The following KIAA1328 variants were observed in gnomAD, a reference collection of about 807,000 sequenced individuals.
KIAA1328 encodes the protein protein hinderin.
In KIAA1328, 52 loss-of-function variants were observed where a neutral mutation model predicts 68.1. That is an observed-to-expected ratio of 0.76 (90% confidence interval 0.61 to 0.96). KIAA1328 has a LOEUF of 0.96. Ranked by LOEUF, KIAA1328 falls within the 40% of genes least tolerant of loss-of-function variation. The probability of loss-of-function intolerance (pLI) is 0.00; values close to 1 mark genes in which losing one functional copy is unlikely to be tolerated. For synonymous variants in KIAA1328, 232 were observed against 239.4 expected (o/e 0.97, Z 0.28); for missense variants, 641 against 677.6 (o/e 0.95, Z 0.60).
intron 4 of KIAA1328, among the ~76,000 whole-genome samples, chr18:36,863,939 A>G (rs1337628343): frequency 1.3e-5 from 2 of 152,180 alleles, no homozygotes; most frequent in South Asian, 2.1e-4. Context: ...TATGTAGACT[A>G]TCATGTCATT....
chr18:36,907,702 CATT>C (rs1335640058), intron 5 of KIAA1328, among the ~76,000 whole-genome samples: 2 of 152,128 alleles, frequency 1.3e-5, no homozygotes, highest in East Asian at 3.8e-4. Context: ...GAGAGACAGT[CATT>C]AGTTTTCTTG....
intron 7 of KIAA1328, among the ~76,000 whole-genome samples, chr18:37,095,935 G>A (rs968615474): frequency 2.6e-5 from 4 of 152,194 alleles, no homozygotes; most frequent in South Asian, 2.1e-4. Flanking sequence ...TAATTGAACC[G>A]GGAAGAAATT....
At chr18:36,897,468 A>T (rs1160581976) in intron 5 of KIAA1328, among the ~76,000 whole-genome samples, 4 of 152,076 alleles carry the variant, frequency 2.6e-5, no homozygotes, top group Non-Finnish European at 4.4e-5. Context: ...ACACAGGAAA[A>T]GTGTCAAGAG....
At chr18:37,026,144 A>C (rs1202893179) in intron 6 of KIAA1328, among the ~76,000 whole-genome samples, 1 of 152,206 alleles carries the variant, frequency 6.6e-6, no homozygotes, top group East Asian at 1.9e-4. Flanking sequence ...AAATTTCTCG[A>C]CACATACACC....
At chr18:36,867,407 G>T (rs1051249712) in intron 4 of KIAA1328, among the ~76,000 whole-genome samples, 5 of 152,186 alleles carry the variant, frequency 3.3e-5, no homozygotes, top group African/African-American at 9.7e-5. Context: ...TTTCTGTACA[G>T]CCTGCAGAAC....
intron 9 of KIAA1328, among the ~76,000 whole-genome samples, chr18:37,200,375 G>A (rs936613032): frequency 6.6e-6 from 1 of 152,152 alleles, no homozygotes; most frequent in African/African-American, 2.4e-5. Flanking sequence ...GTTAGTTATG[G>A]TATCCAGTGT....
chr18:36,883,607 T>A, intron 4 of KIAA1328, among the ~76,000 whole-genome samples: 1 of 152,162 alleles, frequency 6.6e-6, no homozygotes, highest in East Asian at 1.9e-4. Flanking sequence ...AAGTCCTGCA[T>A]CATACCCATA....
chr18:37,161,746 T>A (rs534904775), intron 8 of KIAA1328, among the ~76,000 whole-genome samples: 1 of 152,362 alleles, frequency 6.6e-6, no homozygotes, highest in African/African-American at 2.4e-5. Context: ...AGTCTTCAGT[T>A]AACTTGTTTT....
At chr18:36,993,673 A>G (rs185682910) in intron 6 of KIAA1328, among the ~76,000 whole-genome samples, 1 of 152,330 alleles carries the variant, frequency 6.6e-6, no homozygotes, top group East Asian at 1.9e-4. Context: ...AAAAACTTTA[A>G]AGGATGTAGT....
At chr18:37,046,663 A>G (rs2055483196) in intron 6 of KIAA1328, among the ~76,000 whole-genome samples, 1 of 152,220 alleles carries the variant, frequency 6.6e-6, no homozygotes, top group African/African-American at 2.4e-5. Context: ...ATTTTAAAAA[A>G]TATTTTTTCC....
chr18:37,175,199 T>G (rs2059576545), intron 9 of KIAA1328, among the ~76,000 whole-genome samples: 1 of 152,226 alleles, frequency 6.6e-6, no homozygotes, highest in Admixed American at 6.5e-5. Context: ...AATTTTCCTA[T>G]TGTTAAAGAT....
At chr18:36,964,698 A>G (rs914676406) in intron 6 of KIAA1328, among the ~76,000 whole-genome samples, 8 of 152,088 alleles carry the variant, frequency 5.3e-5, no homozygotes, top group Non-Finnish European at 7.4e-5. Context: ...AGTGGGTTCT[A>G]GAGAGGTTCT....
chr18:37,210,172 T>C (rs1414438626), intron 9 of KIAA1328, among the ~76,000 whole-genome samples: 1 of 152,212 alleles, frequency 6.6e-6, no homozygotes, highest in Non-Finnish European at 1.5e-5. Flanking sequence ...GTGCTAATGT[T>C]CTTGGACACC....
intron 6 of KIAA1328, among the ~76,000 whole-genome samples, chr18:37,014,376 A>T (rs973224632): frequency 2.0e-5 from 3 of 152,106 alleles, no homozygotes; most frequent in African/African-American, 7.2e-5. Flanking sequence ...TTTTGTTGAA[A>T]TTGCTTCTGA....
At chr18:37,084,268 A>G in intron 7 of KIAA1328, 2 of 1,242,240 alleles carry the variant, frequency 1.6e-6, no homozygotes, top group South Asian at 3.1e-5. Flanking sequence ...AAGAATCTTA[A>G]GGGCATAAAT....
chr18:36,888,526 A>G (rs2048576103), intron 5 of KIAA1328, among the ~76,000 whole-genome samples: 1 of 152,198 alleles, frequency 6.6e-6, no homozygotes, highest in African/African-American at 2.4e-5. Context: ...ATGGTATATC[A>G]TTGTCAAAAA....
At chr18:36,882,433 G>A (rs1223840270) in intron 4 of KIAA1328, among the ~76,000 whole-genome samples, 1 of 152,078 alleles carries the variant, frequency 6.6e-6, no homozygotes, top group Non-Finnish European at 1.5e-5. Flanking sequence ...TGCTTTATTG[G>A]CAGGTCTTCT....
intron 5 of KIAA1328, among the ~76,000 whole-genome samples, chr18:36,932,180 G>A (rs968066267): frequency 2.0e-5 from 3 of 152,112 alleles, no homozygotes; most frequent in Admixed American, 6.5e-5. Context: ...GATCATAAAC[G>A]TTTCCAGTAG....
At chr18:37,162,456 A>G (rs1347578997) in intron 8 of KIAA1328, among the ~76,000 whole-genome samples, 2 of 152,184 alleles carry the variant, frequency 1.3e-5, no homozygotes, top group African/African-American at 2.4e-5. Flanking sequence ...TAAAGAGGCT[A>G]AAGTTGCCCC....
Sources: gnomAD v4.1 joint callset for allele counts (sites outside exome capture counted in the v4.1 genomes callset) on GRCh38, gnomAD v4.1.1 for gene constraint, MANE v1.5 for transcripts, NCBI Gene and HGNC (gene_info 2026-07-23, HGNC 2026-07-21) for gene names.